Variants in NSMAF observed in about 807,000 individuals in gnomAD.
NSMAF encodes the protein protein FAN.
In NSMAF, 90 loss-of-function variants were observed where a neutral mutation model predicts 134.9. The observed-to-expected ratio is 0.67, with a 90% confidence interval of 0.56 to 0.79. The LOEUF (loss-of-function observed/expected upper bound fraction) is 0.79. Among genes scored for constraint, NSMAF ranks in the 30% least tolerant of loss-of-function variants. The probability of loss-of-function intolerance (pLI) is 0.00; values close to 1 mark genes in which losing one functional copy is unlikely to be tolerated. For missense variants in NSMAF, 1,010 were observed against 1,119.0 expected, an observed-to-expected ratio of 0.90 and a Z score of 1.39; for synonymous variants, 358 against 389.6, an observed-to-expected ratio of 0.92 and a Z score of 0.96.
intron 14 of NSMAF, 137 bp from the exon 15 acceptor site, chr8:58,601,672 G>A (rs1806284893): frequency 1.6e-6 from 2 of 1,282,816 alleles, no homozygotes; most frequent in Admixed American, 3.3e-5. Context: ...AAGAAAAGGA[G>A]AAGATAAGAG....
At position 58,599,802 on chromosome 8, in the gene NSMAF, C is replaced by G. The variant is rs566534724; in HGVS notation, c.1401G>C (p.Lys467Asn). 1.2e-6 allele frequency: 2 copies of G among 1,614,018 alleles called. No homozygotes were observed. The highest frequency in any genetic ancestry group is 1.3e-5 in the African/African-American group (1 of 74,932). Residue 467 changes from lysine to asparagine, a missense_variant, in exon 18 of 31, where the codon AAG (lysine) becomes AAC (asparagine). Lys to Asn is a moderately conservative substitution (Grantham distance 94). Transcript: ENST00000038176. ...LVNSLKLDLG[K>N]RQGGQMVDDV... The stretch of plus-strand genomic sequence containing the variant: ...CGTCAACCATCTGTCCTCCTTGTCT[C>G]TTTCCCAAATCCAACTTCAGGCTAT...
chr8:58,635,260 G>A (rs1317795647), intron 4 of NSMAF, 35 bp from the exon 5 acceptor site: 3 of 1,607,430 alleles, frequency 1.9e-6, no homozygotes, highest in Non-Finnish European at 2.6e-6. Flanking sequence ...AATATATACA[G>A]CTTTTTGGTT....
Position 58,603,239 on chromosome 8 carries a change from A to G in NSMAF, c.1016T>C (p.Ile339Thr). Reference sequence around the variant, plus strand: ...TTCTGAGCTGGAATAATCATGTATTATCCATGGAAACACAGGGTACTGGGA... The same window carrying G: ...TTCTGAGCTGGAATAATCATGTATTGTCCATGGAAACACAGGGTACTGGGA... The part of the protein sequence containing the change: ...DLSQYPVFPW[I>T]IHDYSSSELD... Residue 339 changes from isoleucine to threonine, a missense_variant, in exon 13 of 31, where the codon ATA becomes ACA. By Grantham distance (89) the Ile-to-Thr change is moderately conservative. Transcript: ENST00000038176. 1.2e-6 allele frequency: 2 copies of G among 1,614,220 alleles called. No individual in the cohort carries two copies. The highest frequency in any genetic ancestry group is 1.7e-6 in the Non-Finnish European group (2 of 1,180,046).
chr8:58,659,449 G>C, intron 1 of NSMAF, 124 bp downstream of exon 1: 1 of 1,494,262 alleles, frequency 6.7e-7, no homozygotes, highest in Admixed American at 2.1e-5. Context: ...CTGGACACGC[G>C]TCCGGCCCCT....
intron 5 of NSMAF, among the ~76,000 whole-genome samples, chr8:58,634,443 A>G (rs1015954956): frequency 3.3e-5 from 5 of 152,214 alleles, no homozygotes; most frequent in Non-Finnish European, 5.9e-5. Context: ...TTTTGAAGTC[A>G]GCAAGTCCGT....
At chr8:58,620,560 T>C (rs1430361017) in intron 9 of NSMAF, among the ~76,000 whole-genome samples, 6 of 152,240 alleles carry the variant, frequency 3.9e-5, no homozygotes, top group Non-Finnish European at 8.8e-5. Context: ...TCACTTTCTC[T>C]TGGCAATATG....
intron 9 of NSMAF, among the ~76,000 whole-genome samples, chr8:58,617,740 G>A (rs1435460582): frequency 6.6e-6 from 1 of 152,174 alleles, no homozygotes; most frequent in Non-Finnish European, 1.5e-5. Context: ...AACCATTGTG[G>A]AAGACAGTGT....
chr8:58,646,029 G>A (rs975245952), intron 1 of NSMAF, among the ~76,000 whole-genome samples: 4 of 152,062 alleles, frequency 2.6e-5, no homozygotes, highest in African/African-American at 9.7e-5. Flanking sequence ...CAACAAGAGC[G>A]AGACTCCGTC....
chr8:58,624,613 C>A (rs1227454868), intron 6 of NSMAF, among the ~76,000 whole-genome samples: 3 of 151,750 alleles, frequency 2.0e-5, no homozygotes, highest in East Asian at 3.9e-4. Context: ...GAAAAATATA[C>A]ACAATATTAT....
chr8:58,637,288 T>C (rs1282098698), intron 2 of NSMAF: 4 of 455,772 alleles, frequency 8.8e-6, no homozygotes, highest in African/African-American at 8.0e-5. Flanking sequence ...TGCCTCTGAC[T>C]TAGAATCAGC....
Position 58,599,684 on chromosome 8 carries a change from A to G in NSMAF, c.1453+66T>C, listed in dbSNP as rs114758390. 648 of 1,532,620 alleles carry G rather than the reference A, an allele frequency of 4.2e-4. 2 individuals are homozygous for G. In the African/African-American group the frequency reaches 8.1e-3, roughly 19 times the overall value. 94.9% of individuals were successfully genotyped at this position (1,532,620 alleles called of 1,614,324 possible). On this transcript the variant is annotated intron_variant, in intron 18 of 30. Coordinates refer to ENST00000038176, the MANE Select transcript of NSMAF (RefSeq NM_003580.4). Reference sequence around the variant, plus strand: ...TTTTTAAAAATCTAAGCAATAAAATAATTACTGAAATTGCACTACTTGGTA... The same window carrying G: ...TTTTTAAAAATCTAAGCAATAAAATGATTACTGAAATTGCACTACTTGGTA...
At position 58,623,263 on chromosome 8, in the gene NSMAF, TA is replaced by T. The variant is rs1806831141; in HGVS notation, c.513del (p.Ile172PhefsTer6). 1 of 1,610,696 alleles carries T rather than the reference TA, an allele frequency of 6.2e-7. No homozygotes were observed. Among genetic ancestry groups the T allele is most frequent in the African/African-American group, 1.3e-5 (1 of 74,746 alleles). On this transcript the variant is annotated frameshift_variant, in exon 9 of 31. Transcript: ENST00000038176. LOFTEE classifies it high-confidence loss of function. ...KLGDQTAMITAILQSRLARTS... is the reference protein window; with the variant it reads ...KLGDQTAMITXILQSRLARTS... ...GTTCTAGCTAAACGAGACTGCAAAA[TA>T]GCTGTTATCTATTAAAACAGAACCA...
At chr8:58,584,929 A>T (rs1018999003) in intron 30 of NSMAF, among the ~76,000 whole-genome samples, 3 of 152,228 alleles carry the variant, frequency 2.0e-5, no homozygotes, top group Admixed American at 2.0e-4. Flanking sequence ...AGCCTGGCCC[A>T]GACTTTTTAA....
At chr8:58,635,604 C>A (rs1013712206) in intron 2 of NSMAF, 58 bp from the exon 3 acceptor site, 22 of 1,041,842 alleles carry the variant, frequency 2.1e-5, no homozygotes, top group South Asian at 3.0e-5. Context: ...ACAAGATAAT[C>A]ATAGTACATT....
chr8:58,620,236 T>C (rs962882424), intron 9 of NSMAF, among the ~76,000 whole-genome samples: 5 of 152,144 alleles, frequency 3.3e-5, no homozygotes, highest in African/African-American at 9.7e-5. Flanking sequence ...CTAGAAGAAC[T>C]GAGAGCACAG....
At chr8:58,655,267 T>C (rs1384240992) in intron 1 of NSMAF, among the ~76,000 whole-genome samples, 1 of 152,250 alleles carries the variant, frequency 6.6e-6, no homozygotes, top group Non-Finnish European at 1.5e-5. Context: ...CCATGGCACC[T>C]AGGCAAGTAT....
At chr8:58,587,160 G>A (rs1805904444) in intron 27 of NSMAF, among the ~76,000 whole-genome samples, 1 of 152,252 alleles carries the variant, frequency 6.6e-6, no homozygotes, top group Non-Finnish European at 1.5e-5. Flanking sequence ...AACAGAGCAA[G>A]TGAGAACTGA....
intron 9 of NSMAF, among the ~76,000 whole-genome samples, chr8:58,613,807 T>C (rs531449647): frequency 6.6e-6 from 1 of 152,360 alleles, no homozygotes; most frequent in African/African-American, 2.4e-5. Context: ...TTTTGGATTT[T>C]TGAATGTTTG....
intron 1 of NSMAF, 54 bp from the exon 2 acceptor site, chr8:58,643,127 A>C: frequency 7.8e-7 from 1 of 1,282,508 alleles, no homozygotes; most frequent in South Asian, 1.2e-5. Context: ...AAGTATAAGA[A>C]GGCAATATAT....
Sources: allele counts gnomAD v4.1 joint callset (sites outside exome capture counted in the v4.1 genomes callset), GRCh38; gene constraint gnomAD v4.1.1; transcripts MANE v1.5; gene names NCBI Gene and HGNC (gene_info 2026-07-23, HGNC 2026-07-21).